KANK1: variants seen among roughly 807,000 people sequenced by gnomAD.
The protein encoded by KANK1 is KN motif and ankyrin repeat domain-containing protein 1.
KANK1 carries 109 observed loss-of-function variants against 106.2 expected under a neutral mutation model. The ratio of observed to expected loss-of-function variants is 1.03; its 90% CI spans 0.88 to 1.20. The LOEUF is 1.20. Ranked by LOEUF, KANK1 falls within the 50% of genes most tolerant of loss-of-function variation. The probability of loss-of-function intolerance (pLI) is 0.00; values close to 1 mark genes in which losing one functional copy is unlikely to be tolerated. For synonymous variants in KANK1, 873 were observed against 652.2 expected (o/e 1.34, Z -5.16); for missense variants, 2,399 against 1,710.7 (o/e 1.40, Z -7.10).
intron 1 of KANK1, among the ~76,000 whole-genome samples, chr9:516,662 T>C (rs1340932097): frequency 6.6e-6 from 1 of 151,556 alleles, no homozygotes; most frequent in Non-Finnish European, 1.5e-5. Flanking sequence ...GCTTGAGGAA[T>C]AGCAAGGCCT....
chr9:704,743 G>A (rs1273839346), intron 2 of KANK1, among the ~76,000 whole-genome samples: 1 of 152,140 alleles, frequency 6.6e-6, no homozygotes, highest in Non-Finnish European at 1.5e-5. Flanking sequence ...CATGTTGAGA[G>A]GCTGAGGTGG....
chr9:688,323 T>C (rs1819026530), intron 2 of KANK1, among the ~76,000 whole-genome samples: 1 of 152,198 alleles, frequency 6.6e-6, no homozygotes, highest in South Asian at 2.1e-4. Context: ...GATGGTGTTG[T>C]TGCTGGGTGT....
chr9:584,325 T>A (rs1302529016), intron 1 of KANK1, among the ~76,000 whole-genome samples: 1 of 152,256 alleles, frequency 6.6e-6, no homozygotes, highest in Admixed American at 6.5e-5. Flanking sequence ...TTATGTGTCA[T>A]GCATACATAT....
intron 5 of KANK1, 53 bp downstream of exon 5, chr9:731,319 C>T (rs1423787243): frequency 9.4e-7 from 1 of 1,060,056 alleles, no homozygotes; most frequent in South Asian, 1.4e-5. Context: ...CCTTTACCTC[C>T]TGCCTAAGTC....
chr9:670,346 G>A (rs1478165777), intron 1 of KANK1, among the ~76,000 whole-genome samples: 2 of 152,110 alleles, frequency 1.3e-5, no homozygotes, highest in African/African-American at 4.8e-5. Flanking sequence ...AGTCTGTTTT[G>A]GTTTTTACTG....
intron 1 of KANK1, among the ~76,000 whole-genome samples, chr9:664,665 G>A (rs1323675285): frequency 6.6e-6 from 1 of 152,062 alleles, no homozygotes; most frequent in South Asian, 2.1e-4. Flanking sequence ...TCAATATATT[G>A]GTTTTCTTTC....
At chr9:692,507 C>T (rs1363585725) in intron 2 of KANK1, among the ~76,000 whole-genome samples, 81 of 142,344 alleles carry the variant, frequency 5.7e-4, no homozygotes, top group African/African-American at 1.9e-3. Context: ...TTTTTTCTTC[C>T]TTTTTTTTTT....
At position 740,769 on chromosome 9, in the gene KANK1, CTTTT is replaced by C. The variant is rs58169581; in HGVS notation, c.3554-8_3554-5del. On this transcript the variant is annotated intron_variant, in intron 8 of 11. Coordinates refer to ENST00000382297, the MANE Select transcript of KANK1 (RefSeq NM_015158.5). ...TTAGAAGGGGCTGCTTCCTAAGAGA[CTTTT>C]TTTTTTTTTTTTTTACAGATGTGTG... The C allele has an allele frequency of 6.2e-5, 94 of 1,504,374 alleles. No homozygotes were observed. Among genetic ancestry groups the C allele is most frequent in the Middle Eastern group, 1.8e-4 (1 of 5,676 alleles). 93.2% of individuals were successfully genotyped at this position (1,504,374 alleles called of 1,614,324 possible).
At chr9:744,860 T>C (rs1044560700) in intron 11 of KANK1, 5 of 1,411,224 alleles carry the variant, frequency 3.5e-6, no homozygotes, top group Non-Finnish European at 3.7e-6. Flanking sequence ...ATTATCCAGA[T>C]AGCAGCCCCT....
At chr9:625,737 G>C (rs10122300) in intron 1 of KANK1, among the ~76,000 whole-genome samples, 1 of 152,172 alleles carries the variant, frequency 6.6e-6, no homozygotes, top group Non-Finnish European at 1.5e-5. Context: ...ATGGGAAGAA[G>C]TTTTGAGTCT....
rs150837585 is a variant in KANK1 at position 667,956 on chromosome 9, C to T, written c.-83-8934C>T. 7.5e-3 allele frequency among the ~76,000 whole-genome samples: 1,138 copies of T among 152,198 alleles called. 38 individuals carry two copies. Among genetic ancestry groups the T allele is most frequent in the East Asian group, 0.059 (304 of 5,172 alleles). Reference sequence around the variant, plus strand: ...ATGTTAGTCAGGCTGGTCCCGAACTCCTGACATCAGATGATCCACCCACCT... The same window carrying T: ...ATGTTAGTCAGGCTGGTCCCGAACTTCTGACATCAGATGATCCACCCACCT... On this transcript the variant is annotated intron_variant, in intron 1 of 11. Transcript: ENST00000382297.
chr9:686,760 A>T, intron 2 of KANK1: 1 of 985,336 alleles, frequency 1.0e-6, no homozygotes, highest in Non-Finnish European at 1.2e-6. Flanking sequence ...CCGGTAAGGG[A>T]TCTGAGTGGG....
chr9:630,355 C>A (rs377582098), intron 1 of KANK1, among the ~76,000 whole-genome samples: 1 of 150,570 alleles, frequency 6.6e-6, no homozygotes, highest in African/African-American at 2.5e-5. Context: ...TGGAGACCAT[C>A]CTGGCTAACA....
At chr9:702,669 C>T (rs1822980136) in intron 2 of KANK1, among the ~76,000 whole-genome samples, 1 of 152,120 alleles carries the variant, frequency 6.6e-6, no homozygotes, top group Non-Finnish European at 1.5e-5. Flanking sequence ...TAGCCTCTTT[C>T]CCTACGTCAG....
chr9:512,771 T>C, intron 1 of KANK1, among the ~76,000 whole-genome samples: 1 of 152,306 alleles, frequency 6.6e-6, no homozygotes, highest in Middle Eastern at 3.4e-3. Flanking sequence ...AGTCTATGCT[T>C]GAGTTCATAA....
intron 1 of KANK1, among the ~76,000 whole-genome samples, chr9:665,266 C>T (rs957738727): frequency 6.6e-6 from 1 of 152,082 alleles, no homozygotes; most frequent in African/African-American, 2.4e-5. Context: ...GAGCATTTCC[C>T]CAATGTTTTC....
chr9:480,478 A>C (rs546258129), intron 3 of KANK1, among the ~76,000 whole-genome samples: 2 of 152,352 alleles, frequency 1.3e-5, no homozygotes, highest in Admixed American at 6.5e-5. Context: ...TCCTCTGCCT[A>C]AATAACAGAT....
intron 1 of KANK1, among the ~76,000 whole-genome samples, chr9:571,493 A>G (rs1229917425): frequency 1.3e-5 from 2 of 152,172 alleles, no homozygotes; most frequent in Admixed American, 6.5e-5. Flanking sequence ...AGGAAGTCAC[A>G]TGTTATTTAA....
intron 1 of KANK1, among the ~76,000 whole-genome samples, chr9:624,094 TG>T (rs950428288): frequency 3.9e-5 from 6 of 152,148 alleles, no homozygotes; most frequent in Non-Finnish European, 8.8e-5. Flanking sequence ...TGGATGAACC[TG>T]GAGGACATTA....
Sources: gnomAD v4.1 joint callset for allele counts (sites outside exome capture counted in the v4.1 genomes callset) on GRCh38, gnomAD v4.1.1 for gene constraint, MANE v1.5 for transcripts, NCBI Gene and HGNC (gene_info 2026-07-23, HGNC 2026-07-21) for gene names.